ODAD1: variants seen among roughly 807,000 people sequenced by gnomAD.
ODAD1 encodes outer dynein arm docking complex subunit 1, also known as outer dynein arm-docking complex subunit 1.
Under a neutral mutation model 67.2 loss-of-function variants are expected in ODAD1, and 49 were observed. The ratio of observed to expected loss-of-function variants is 0.73; its 90% confidence interval spans 0.58 to 0.92. The LOEUF (loss-of-function observed/expected upper bound fraction) is 0.92. Among genes scored for constraint, ODAD1 ranks in the 40% least tolerant of loss-of-function variants. The probability of loss-of-function intolerance (pLI) is 0.00; values close to 1 mark genes in which losing one functional copy is unlikely to be tolerated. For missense variants in ODAD1, 897 were observed against 953.7 expected (o/e 0.94, Z 0.78); for synonymous variants, 345 against 393.7 (o/e 0.88, Z 1.46).
chr19:48,318,961 C>A, intron 3 of ODAD1, 149 bp from the exon 4 acceptor site: 1 of 610,876 alleles, frequency 1.6e-6, no homozygotes. Context: ...AGGAATGCAC[C>A]TCAGTTCCGG....
intron 5 of ODAD1, among the ~76,000 whole-genome samples, chr19:48,316,931 G>A (rs573964381): frequency 3.3e-5 from 5 of 152,016 alleles, no homozygotes; most frequent in African/African-American, 1.2e-4. Flanking sequence ...CCTGGGAGGT[G>A]GAGGTTGCAG....
intron 10 of ODAD1, 135 bp downstream of exon 10, chr19:48,303,515 G>T: frequency 9.0e-7 from 1 of 1,111,376 alleles, no homozygotes; most frequent in Non-Finnish European, 1.3e-6. Context: ...GCGGGCGGCG[G>T]GTCCCAGGCA....
intron 5 of ODAD1, among the ~76,000 whole-genome samples, chr19:48,312,687 G>C (rs1275482066): frequency 6.6e-6 from 1 of 152,088 alleles, no homozygotes; most frequent in East Asian, 1.9e-4. Flanking sequence ...AAAGTGCTGG[G>C]ATTACAGGCA....
intron 5 of ODAD1, among the ~76,000 whole-genome samples, chr19:48,317,803 T>G (rs1288949108): frequency 1.3e-5 from 2 of 151,800 alleles, no homozygotes; most frequent in Non-Finnish European, 2.9e-5. Context: ...CCGAGCACAG[T>G]GGCTCACGCC....
intron 10 of ODAD1, 21 bp from the exon 11 acceptor site, chr19:48,303,116 G>A (rs183769667): frequency 4.7e-5 from 74 of 1,573,604 alleles, no homozygotes; most frequent in African/African-American, 3.4e-4. Context: ...TGGGCAAGGC[G>A]GGGCCCAGAG....
Position 48,318,749 on chromosome 19 carries a change from T to C in ODAD1, c.134A>G (p.Tyr45Cys), listed in dbSNP as rs1968967771. The C allele has an allele frequency of 3.9e-6, 6 of 1,551,326 alleles. No individual in the cohort carries two copies. Among genetic ancestry groups the C allele is most frequent in the South Asian group, 1.2e-5 (1 of 84,050 alleles). Residue 45 changes from tyrosine (Y) to cysteine (C), a missense_variant, in exon 4 of 16, where the codon TAC becomes TGC. Transcript: ENST00000674294. Reference sequence around the variant, plus strand: ...GATGCGCTGGTGGACTTCCTTGCTGTAGGCCCGCCTCTCCCCTTCCATCAC... The same window carrying C: ...GATGCGCTGGTGGACTTCCTTGCTGCAGGCCCGCCTCTCCCCTTCCATCAC... ...CKVMEGERRAYSKEVHQRINK... is the reference protein window; with the variant it reads ...CKVMEGERRACSKEVHQRINK...
intron 8 of ODAD1, among the ~76,000 whole-genome samples, chr19:48,305,029 G>C (rs1360696641): frequency 6.6e-6 from 1 of 152,210 alleles, no homozygotes; most frequent in Admixed American, 6.5e-5. Context: ...TTAACAGAGA[G>C]AGAGAAAGAG....
chr19:48,315,516 C>A (rs1027411488), intron 5 of ODAD1, among the ~76,000 whole-genome samples: 3 of 152,252 alleles, frequency 2.0e-5, no homozygotes, highest in African/African-American at 7.2e-5. Flanking sequence ...TGCACTCCAG[C>A]CTGGGTGACA....
Position 48,297,479 on chromosome 19 carries a change from CCTT to C in ODAD1, c.1618_1620del (p.Lys540del). On this transcript the variant is annotated inframe_deletion, in exon 16 of 16. Coordinates refer to ENST00000674294, the MANE Select transcript of ODAD1 (RefSeq NM_001364171.2). ...AGCTTCGCGGCGGCGGCGGCCAGGT[CCTT>C]CTGGCGCTGCGCCTCCGCCTGCTCC... The C allele has an allele frequency of 6.2e-7, 1 of 1,602,546 alleles. No individual in the cohort carries two copies. The highest frequency in any genetic ancestry group is 8.5e-7 in the Non-Finnish European group (1 of 1,176,940).
chr19:48,319,966 G>A, intron 3 of ODAD1: 1 of 866,512 alleles, frequency 1.2e-6, no homozygotes, highest in Non-Finnish European at 1.4e-6. Flanking sequence ...CCCACCCCAA[G>A]AGTCAACAGT....
At chr19:48,313,123 A>G (rs1968808302) in intron 5 of ODAD1, among the ~76,000 whole-genome samples, 1 of 152,124 alleles carries the variant, frequency 6.6e-6, no homozygotes, top group Non-Finnish European at 1.5e-5. Flanking sequence ...GGGTTGAATC[A>G]TGTCCCATAA....
At chr19:48,304,251 C>G (rs1423747821) in intron 8 of ODAD1, 111 bp from the exon 9 acceptor site, 11 of 1,136,892 alleles carry the variant, frequency 9.7e-6, no homozygotes, top group Non-Finnish European at 1.3e-5. Context: ...GTGGAGTCAG[C>G]TGGTGTCCCA....
intron 12 of ODAD1, among the ~76,000 whole-genome samples, chr19:48,301,988 G>A (rs943095554): frequency 7.2e-5 from 11 of 151,896 alleles, no homozygotes; most frequent in South Asian, 4.2e-4. Flanking sequence ...ATAGAACCTG[G>A]ATGGAGAGAT....
rs1346150094 is a variant in ODAD1, at chr19:48,311,976, C to G, written c.483+18G>C. The G allele has an allele frequency of 8.4e-6, 13 of 1,549,472 alleles. No homozygotes were observed. The highest frequency in any genetic ancestry group is 8.7e-6 in the Non-Finnish European group (10 of 1,146,054). Reference sequence around the variant, plus strand: ...AACCGCACAATTCAGGTCGAGGGACCAGGAGTTTGACCCTCACCCTGTCCA... The same window carrying G: ...AACCGCACAATTCAGGTCGAGGGACGAGGAGTTTGACCCTCACCCTGTCCA... On this transcript the variant is annotated intron_variant, in intron 6 of 15. Transcript: ENST00000674294.
intron 5 of ODAD1, among the ~76,000 whole-genome samples, chr19:48,314,732 G>T (rs1254804265): frequency 6.6e-6 from 1 of 152,088 alleles, no homozygotes; most frequent in Non-Finnish European, 1.5e-5. Flanking sequence ...CCTGAGGTCA[G>T]GAGTTTGAGA....
At chr19:48,314,577 C>G (rs1968849860) in intron 5 of ODAD1, among the ~76,000 whole-genome samples, 1 of 152,192 alleles carries the variant, frequency 6.6e-6, no homozygotes, top group African/African-American at 2.4e-5. Context: ...TGAGAGGGCG[C>G]TATCATCCTT....
chr19:48,307,847 G>T (rs537070639), intron 7 of ODAD1, among the ~76,000 whole-genome samples: 1 of 151,216 alleles, frequency 6.6e-6, no homozygotes, highest in Non-Finnish European at 1.5e-5. Flanking sequence ...AAAGAAAACG[G>T]TCTCTTAGTG....
At chr19:48,315,421 G>A (rs186518696) in intron 5 of ODAD1, among the ~76,000 whole-genome samples, 7 of 152,222 alleles carry the variant, frequency 4.6e-5, no homozygotes, top group Admixed American at 3.3e-4. Flanking sequence ...GCAGGCACCC[G>A]TAGTCCCAAC....
intron 7 of ODAD1, among the ~76,000 whole-genome samples, chr19:48,309,326 G>A (rs1458469123): frequency 6.6e-6 from 1 of 152,154 alleles, no homozygotes; most frequent in Non-Finnish European, 1.5e-5. Context: ...CAAAATGAGT[G>A]GGGACTTGCA....
Sources: gnomAD v4.1 joint callset for allele counts (sites outside exome capture counted in the v4.1 genomes callset) on GRCh38, gnomAD v4.1.1 for gene constraint, MANE v1.5 for transcripts, NCBI Gene and HGNC (gene_info 2026-07-23, HGNC 2026-07-21) for gene names.